APOLD1: variants seen among roughly 807,000 people sequenced by gnomAD.
APOLD1 encodes apolipoprotein L domain-containing protein 1.
APOLD1 carries 22 observed loss-of-function variants against 15.3 expected under a neutral mutation model. The observed-to-expected ratio is 1.44, with a 90% confidence interval of 1.03 to 2.05. APOLD1 has a LOEUF of 2.05. Ranked by LOEUF, APOLD1 falls within the 30% of genes most tolerant of loss-of-function variation. The pLI, the probability that APOLD1 is intolerant of heterozygous loss-of-function variation, is 0.00. For synonymous variants in APOLD1, 190 were observed against 167.4 expected, an observed-to-expected ratio of 1.13 and a Z score of -1.04; for missense variants, 394 against 353.5, an observed-to-expected ratio of 1.11 and a Z score of -0.92.
intron 1 of APOLD1, among the ~76,000 whole-genome samples, chr12:12,739,933 C>T (rs1046144658): frequency 4.0e-5 from 6 of 151,398 alleles, no homozygotes; most frequent in African/African-American, 1.2e-4. Flanking sequence ...TCTCCAGCCT[C>T]AGCCTCCTGT....
intron 1 of APOLD1, among the ~76,000 whole-genome samples, chr12:12,779,696 G>T (rs1947064523): frequency 6.6e-6 from 1 of 152,134 alleles, no homozygotes; most frequent in Non-Finnish European, 1.5e-5. Context: ...GTCTAACAGG[G>T]AAATGACTAA....
At chr12:12,749,272 GA>G (rs1325208382) in intron 1 of APOLD1, among the ~76,000 whole-genome samples, 2 of 151,982 alleles carry the variant, frequency 1.3e-5, no homozygotes, top group Non-Finnish European at 2.9e-5. Context: ...AGATTCTTTA[GA>G]AAAAAGTACA....
At chr12:12,740,434 A>G (rs894799747) in intron 1 of APOLD1, among the ~76,000 whole-genome samples, 2 of 152,102 alleles carry the variant, frequency 1.3e-5, no homozygotes, top group Non-Finnish European at 2.9e-5. Context: ...CTTATTTTCT[A>G]TGGACACCCT....
chr12:12,746,604 A>G (rs558871851), intron 1 of APOLD1, among the ~76,000 whole-genome samples: 1 of 152,214 alleles, frequency 6.6e-6, no homozygotes, highest in Non-Finnish European at 1.5e-5. Flanking sequence ...AAAGAATTTT[A>G]AAAAACTATT....
At chr12:12,785,550 A>AGCAG, upstream of APOLD1, 1 of 1,454,250 alleles carries the variant, frequency 6.9e-7, no homozygotes, top group Non-Finnish European at 9.5e-7. Context: ...AGATGAAGGC[A>AGCAG]GCAGGGGTCA....
rs1027277262 is a variant in APOLD1 at position 12,791,172 on chromosome 12, G to C, written c.*3520G>C. On this transcript the variant is annotated 3_prime_UTR_variant, in exon 2 of 2. Coordinates refer to ENST00000356591, the MANE Select transcript of APOLD1 (RefSeq NM_030817.3). The stretch of plus-strand genomic sequence containing the variant: ...GAATCCTAACTGCTTTGATGCACTT[G>C]CCCTCGGGCACCTGTCATTTCCAAT... The C allele has an allele frequency of 1.5e-4, 23 of 152,126 alleles. No homozygotes were observed. The highest frequency in any genetic ancestry group is 5.6e-4 in the African/African-American group (23 of 41,412). 9.4% of individuals were successfully genotyped at this position (152,126 alleles called of 1,614,324 possible).
intron 1 of APOLD1, among the ~76,000 whole-genome samples, chr12:12,786,454 T>A (rs917936278): frequency 6.6e-6 from 1 of 152,030 alleles, no homozygotes; most frequent in Non-Finnish European, 1.5e-5. Flanking sequence ...GAGAGAAAAG[T>A]GTGTTGCAAA....
At chr12:12,774,093 G>A (rs545051701) in intron 1 of APOLD1, among the ~76,000 whole-genome samples, 7 of 152,150 alleles carry the variant, frequency 4.6e-5, no homozygotes, top group African/African-American at 1.7e-4. Context: ...TGGTAAACTG[G>A]ACTTTATTAA....
At chr12:12,785,384 A>G (rs1947115930), upstream of APOLD1, among the ~76,000 whole-genome samples, 1 of 152,182 alleles carries the variant, frequency 6.6e-6, no homozygotes, top group Non-Finnish European at 1.5e-5. Context: ...AAGGCAGGGT[A>G]TCCCACTGGG....
intron 1 of APOLD1, among the ~76,000 whole-genome samples, chr12:12,737,762 G>A (rs1476948171): frequency 6.6e-6 from 1 of 152,214 alleles, no homozygotes; most frequent in Non-Finnish European, 1.5e-5. Flanking sequence ...AACTACCTGA[G>A]TAGAGCTGTA....
upstream of APOLD1, among the ~76,000 whole-genome samples, chr12:12,781,567 G>A (rs1397294467): frequency 1.5e-5 from 2 of 135,144 alleles, no homozygotes; most frequent in African/African-American, 2.8e-5. Flanking sequence ...TCGCTCTGTC[G>A]CCCAGGCTGG....
intron 1 of APOLD1, among the ~76,000 whole-genome samples, chr12:12,753,383 G>T (rs1046684318): frequency 2.6e-5 from 4 of 152,150 alleles, no homozygotes; most frequent in African/African-American, 9.7e-5. Flanking sequence ...TAATAGAAGG[G>T]GGTTGGGTGT....
intron 1 of APOLD1, among the ~76,000 whole-genome samples, chr12:12,741,123 T>G (rs998656720): frequency 4.6e-5 from 7 of 152,208 alleles, no homozygotes; most frequent in Admixed American, 2.0e-4. Flanking sequence ...CCCTCCCCAT[T>G]TGGAAAAAGT....
At chr12:12,778,587 C>A (rs1164888037) in intron 1 of APOLD1, among the ~76,000 whole-genome samples, 3 of 152,080 alleles carry the variant, frequency 2.0e-5, no homozygotes, top group African/African-American at 4.8e-5. Flanking sequence ...CTCGGCCCCC[C>A]AAAGTGCTGG....
chr12:12,783,173 T>C (rs1219636984), upstream of APOLD1, among the ~76,000 whole-genome samples: 2 of 152,096 alleles, frequency 1.3e-5, no homozygotes, highest in Non-Finnish European at 2.9e-5. Flanking sequence ...GCCACTGTAC[T>C]CTAGCCTGGG....
At chr12:12,734,168 A>T (rs1365556954) in intron 1 of APOLD1, among the ~76,000 whole-genome samples, 1 of 152,178 alleles carries the variant, frequency 6.6e-6, no homozygotes, top group Admixed American at 6.5e-5. Flanking sequence ...TAACTCAAGG[A>T]TATCTTAACA....
At chr12:12,743,816 G>A (rs1260859372) in intron 1 of APOLD1, among the ~76,000 whole-genome samples, 1 of 152,194 alleles carries the variant, frequency 6.6e-6, no homozygotes, top group Non-Finnish European at 1.5e-5. Context: ...GTGGTGTGAC[G>A]TGAGGGCTTA....
In APOLD1 at chr12:12,787,514, C is replaced by T. The variant is rs1215004047; in HGVS notation, c.609C>T (p.Ala203=). The T allele has an allele frequency of 1.1e-5, 18 of 1,614,012 alleles. No homozygotes were observed. Among genetic ancestry groups the T allele is most frequent in the Non-Finnish European group, 1.5e-5 (18 of 1,180,028 alleles). ...TGAAGGCCAAGATTCAGAAACTGGC[C>T]GAGAGCCTGGAGTCCTGCACCGGGG... ...AVLKAKIQKL[A]ESLESCTGAL... is the part of the protein sequence containing the mutation. Residue 203 remains alanine, a synonymous_variant, in exon 2 of 2, where the codon GCC becomes GCT. Coordinates refer to ENST00000356591, the MANE Select transcript of APOLD1 (RefSeq NM_030817.3). This position sits in a 1 kb window ranked among gnomAD's most constrained non-coding sequence, Gnocchi z 4.9.
chr12:12,726,524 C>T (rs1184963719), intron 1 of APOLD1, among the ~76,000 whole-genome samples: 1 of 152,158 alleles, frequency 6.6e-6, no homozygotes, highest in Non-Finnish European at 1.5e-5. Context: ...AAATGATTCT[C>T]TCAGTCCCTA....
Sources: allele counts gnomAD v4.1 joint callset (sites outside exome capture counted in the v4.1 genomes callset), GRCh38; gene constraint gnomAD v4.1.1; non-coding constraint Gnocchi (gnomAD v3.1); transcripts MANE v1.5; gene names NCBI Gene and HGNC (gene_info 2026-07-23, HGNC 2026-07-21).